PDE4B: variants seen among roughly 807,000 people sequenced by gnomAD.
The protein encoded by PDE4B is phosphodiesterase 4B.
A neutral mutation model predicts 82.2 loss-of-function variants in PDE4B; 20 were observed. The ratio of observed to expected loss-of-function variants is 0.24; its 90% CI spans 0.17 to 0.35. PDE4B has a LOEUF of 0.35. PDE4B is among the 10% of genes least tolerant of loss of function. The pLI, the probability that PDE4B is intolerant of heterozygous loss-of-function variation, is 1.00. For synonymous variants in PDE4B, 320 were observed against 318.9 expected (o/e 1.00, Z -0.04); for missense variants, 655 against 907.2 (o/e 0.72, Z 3.57).
At chr1:65,933,764 G>T (rs150436160) in intron 3 of PDE4B, among the ~76,000 whole-genome samples, 4 of 152,174 alleles carry the variant, frequency 2.6e-5, no homozygotes, top group Non-Finnish European at 5.9e-5. Flanking sequence ...GACACAAACG[G>T]TAACATGATA....
intron 1 of PDE4B, among the ~76,000 whole-genome samples, chr1:65,794,457 A>G (rs973142723): frequency 4.0e-4 from 61 of 152,338 alleles, no homozygotes; most frequent in South Asian, 2.1e-4. Flanking sequence ...GTTTTTACCT[A>G]CAACCTGAAG....
chr1:66,103,921 A>T (rs1006675664), intron 3 of PDE4B, among the ~76,000 whole-genome samples: 10 of 151,924 alleles, frequency 6.6e-5, no homozygotes, highest in Admixed American at 6.6e-4. Context: ...GAGAGGCATT[A>T]TTTTTTTATT....
At chr1:66,274,421 C>T (rs769621609) in intron 7 of PDE4B, among the ~76,000 whole-genome samples, 3 of 152,034 alleles carry the variant, frequency 2.0e-5, no homozygotes, top group Non-Finnish European at 4.4e-5. Context: ...GATCCACCCT[C>T]CTCGGCCTCC....
rs140861959 is a variant in PDE4B at position 66,066,546 on chromosome 1, G to A, written c.281+147711G>A. ...ATTGAAATGTTAATGCACATGTGAC[G>A]TGCCAACATTTAGAAAAATGTAAAT... On this transcript the variant is annotated intron_variant, in intron 3 of 16. Coordinates refer to ENST00000341517, the MANE Select transcript of PDE4B (RefSeq NM_002600.4). Among the ~76,000 whole-genome samples the A allele has an allele frequency of 2.5e-3, 377 of 151,946 alleles. 3 individuals are homozygous for A. The highest frequency in any genetic ancestry group is 8.5e-3 in the African/African-American group (353 of 41,514).
intron 3 of PDE4B, among the ~76,000 whole-genome samples, chr1:66,169,671 C>T (rs972927264): frequency 6.6e-6 from 1 of 152,156 alleles, no homozygotes; most frequent in Non-Finnish European, 1.5e-5. Flanking sequence ...TTTGATTAAT[C>T]AGATCACTGT....
At chr1:66,217,663 T>A (rs1650572499) in intron 3 of PDE4B, among the ~76,000 whole-genome samples, 1 of 152,160 alleles carries the variant, frequency 6.6e-6, no homozygotes, top group South Asian at 2.1e-4. Flanking sequence ...ATTTGTATGA[T>A]TTGTTTAATT....
chr1:66,037,907 T>C (rs1654154344), intron 3 of PDE4B, among the ~76,000 whole-genome samples: 1 of 152,200 alleles, frequency 6.6e-6, no homozygotes, highest in Admixed American at 6.5e-5. Flanking sequence ...CTCTATTATC[T>C]TTATTCAACT....
At chr1:65,816,597 T>C (rs573141878) in intron 1 of PDE4B, among the ~76,000 whole-genome samples, 1 of 152,120 alleles carries the variant, frequency 6.6e-6, no homozygotes, top group East Asian at 1.9e-4. Context: ...TCACAAAGAT[T>C]TATAAACAAG....
At chr1:66,365,588 A>G in intron 12 of PDE4B, 79 bp from the exon 13 acceptor site, 1 of 717,980 alleles carries the variant, frequency 1.4e-6, no homozygotes, top group East Asian at 2.6e-5. Context: ...AGAATAAAGT[A>G]GGATACTTTA....
chr1:66,268,280 G>T (rs1030339697), intron 7 of PDE4B, among the ~76,000 whole-genome samples: 28 of 152,150 alleles, frequency 1.8e-4, no homozygotes, highest in African/African-American at 5.8e-4. Flanking sequence ...AAAGCTAATT[G>T]TCAGAAACCA....
intron 4 of PDE4B, among the ~76,000 whole-genome samples, chr1:66,248,906 C>G (rs1349961798): frequency 7.2e-5 from 11 of 152,028 alleles, no homozygotes; most frequent in Non-Finnish European, 5.9e-5. Context: ...CTTTATTATC[C>G]CCACTCCATA....
chr1:65,806,328 T>C (rs1645754328), intron 1 of PDE4B, among the ~76,000 whole-genome samples: 1 of 152,234 alleles, frequency 6.6e-6, no homozygotes, highest in East Asian at 1.9e-4. Context: ...AATTATTTTA[T>C]GTATGACTAA....
At chr1:65,820,495 T>C (rs926908768) in intron 1 of PDE4B, among the ~76,000 whole-genome samples, 2 of 152,232 alleles carry the variant, frequency 1.3e-5, no homozygotes, top group African/African-American at 4.8e-5. Context: ...CAGAAATGTG[T>C]GTTAGTACAA....
chr1:66,066,814 C>T (rs995267296), intron 3 of PDE4B, among the ~76,000 whole-genome samples: 1 of 151,908 alleles, frequency 6.6e-6, no homozygotes, highest in Non-Finnish European at 1.5e-5. Flanking sequence ...AATCTTGGCT[C>T]AGACTTCTAA....
chr1:66,199,700 T>G (rs1211503371), intron 3 of PDE4B, among the ~76,000 whole-genome samples: 12 of 152,088 alleles, frequency 7.9e-5, no homozygotes, highest in Middle Eastern at 6.8e-3. Flanking sequence ...ATTTAGGCCT[T>G]AAGTAGGAGA....
At chr1:65,898,026 A>C (rs867826461) in intron 1 of PDE4B, among the ~76,000 whole-genome samples, 12 of 152,084 alleles carry the variant, frequency 7.9e-5, no homozygotes, top group Admixed American at 2.0e-4. Flanking sequence ...AGTAATAGCT[A>C]TTCTGGCTGG....
At chr1:66,028,924 T>C (rs1653606263) in intron 3 of PDE4B, among the ~76,000 whole-genome samples, 1 of 152,228 alleles carries the variant, frequency 6.6e-6, no homozygotes, top group South Asian at 2.1e-4. Flanking sequence ...TTTTCCTGTC[T>C]TCTTCTGAGC....
intron 3 of PDE4B, chr1:66,152,444 C>T (rs1646415254): frequency 8.0e-6 from 2 of 250,186 alleles, no homozygotes; most frequent in South Asian, 4.3e-5. Context: ...AGCAGCAGCA[C>T]ACCACCACCT....
intron 3 of PDE4B, among the ~76,000 whole-genome samples, chr1:66,099,370 G>C (rs1283591320): frequency 1.3e-5 from 2 of 152,060 alleles, no homozygotes; most frequent in Non-Finnish European, 2.9e-5. Context: ...ACCTATCATT[G>C]ATGGGTATTT....
Sources: allele counts gnomAD v4.1 joint callset (sites outside exome capture counted in the v4.1 genomes callset), GRCh38; gene constraint gnomAD v4.1.1; transcripts MANE v1.5; gene names NCBI Gene and HGNC (gene_info 2026-07-23, HGNC 2026-07-21).